PCDHA13: variants seen among roughly 807,000 people sequenced by gnomAD.
PCDHA13 encodes protocadherin alpha 13, also known as protocadherin alpha-13.
Under a neutral mutation model 64.8 loss-of-function variants are expected in PCDHA13, and 54 were observed. The ratio of observed to expected loss-of-function variants is 0.83; its 90% CI spans 0.67 to 1.04. PCDHA13 has a LOEUF of 1.04. PCDHA13 is among the 50% of genes least tolerant of loss of function. The pLI is 0.00. For missense variants in PCDHA13, 1,248 were observed against 1,254.3 expected, an observed-to-expected ratio of 0.99 and a Z score of 0.08; for synonymous variants, 587 against 564.4, an observed-to-expected ratio of 1.04 and a Z score of -0.57.
intron 1 of PCDHA13, among the ~76,000 whole-genome samples, chr5:140,908,825 G>A (rs1554193511): frequency 1.3e-5 from 2 of 152,252 alleles, no homozygotes; most frequent in South Asian, 2.1e-4. Flanking sequence ...TGGGTTACTC[G>A]ATAAATGGGC....
chr5:140,993,519 GAGAC>G (rs1554253814), intron 3 of PCDHA13, among the ~76,000 whole-genome samples: 1 of 151,288 alleles, frequency 6.6e-6, no homozygotes, highest in Non-Finnish European at 1.5e-5. Context: ...CGGGGAGAGA[GAGAC>G]AGAGAGAGAG....
chr5:140,923,256 TAGTG>T (rs2153568044), intron 1 of PCDHA13, among the ~76,000 whole-genome samples: 1 of 152,302 alleles, frequency 6.6e-6, no homozygotes, highest in African/African-American at 2.4e-5. Context: ...CTGGGCAACA[TAGTG>T]AGACCTTGTC....
chr5:140,973,631 A>G (rs1554235456), intron 1 of PCDHA13, among the ~76,000 whole-genome samples: 1 of 152,210 alleles, frequency 6.6e-6, no homozygotes, highest in African/African-American at 2.4e-5. Flanking sequence ...TGTATCTTGT[A>G]CACATTCTGA....
In PCDHA13 at chr5:140,903,474, C is replaced by T. The variant is rs1257250947; in HGVS notation, c.2394+18812C>T. Among the ~76,000 whole-genome samples, 4 of 152,106 alleles carry T rather than the reference C, an allele frequency of 2.6e-5. No homozygotes were observed. In the East Asian group the frequency reaches 7.7e-4, roughly 29 times the overall value. The stretch of plus-strand genomic sequence containing the variant: ...ATCAAACTTAAAATATTATTCCTTG[C>T]ATTATAGTTCTGAGCAGGTACCATA... On this transcript the variant is annotated intron_variant, in intron 1 of 3. Transcript: ENST00000289272.
At chr5:140,930,175 G>A (rs1554207630) in intron 1 of PCDHA13, 2 of 152,134 alleles carry the variant, frequency 1.3e-5, no homozygotes, top group African/African-American at 4.8e-5. Context: ...TTACAAAGAG[G>A]AAAGATGAGT....
intron 1 of PCDHA13, among the ~76,000 whole-genome samples, chr5:140,959,259 C>T (rs781794121): frequency 4.6e-5 from 7 of 152,040 alleles, no homozygotes; most frequent in African/African-American, 7.2e-5. Flanking sequence ...TGACTGTAGT[C>T]CCAGCTACCC....
chr5:141,002,246 C>G (rs1217451636), intron 3 of PCDHA13, among the ~76,000 whole-genome samples: 1 of 152,190 alleles, frequency 6.6e-6, no homozygotes, highest in Non-Finnish European at 1.5e-5. Flanking sequence ...CTTTATTAAC[C>G]TCAGCACTGA....
chr5:140,884,057 G>C lies in PCDHA13; in HGVS notation c.1789G>C (p.Val597Leu), dbSNP rs141156800. The change falls in exon 1 of 4, where the codon GTG becomes CTG. Residue 597 changes from valine (V) to leucine (L), a missense_variant. Physicochemically the swap from Val to Leu is conservative, Grantham distance 32. Transcript: ENST00000289272. ...AGHVVAKVRAVDADSGYNAWL... is the reference protein window; with the variant it reads ...AGHVVAKVRALDADSGYNAWL... ...CCACGTGGTGGCGAAGGTGCGCGCG[G>C]TGGACGCCGATTCGGGCTACAATGC... 6.2e-6 allele frequency: 10 copies of C among 1,613,422 alleles called. No homozygotes were observed. In the African/African-American group the frequency reaches 1.3e-4, roughly 22 times the overall value.
intron 3 of PCDHA13, among the ~76,000 whole-genome samples, chr5:140,998,021 C>T (rs2097794085): frequency 6.6e-6 from 1 of 152,152 alleles, no homozygotes; most frequent in Non-Finnish European, 1.5e-5. Context: ...CCACCTCGAG[C>T]TAGTGCTATA....
At chr5:140,936,080 A>C (rs1252008478) in intron 1 of PCDHA13, among the ~76,000 whole-genome samples, 2 of 152,004 alleles carry the variant, frequency 1.3e-5, no homozygotes, top group African/African-American at 4.8e-5. Flanking sequence ...TTTAGTAGAG[A>C]CAGGGTTTCA....
intron 1 of PCDHA13, among the ~76,000 whole-genome samples, chr5:140,953,432 C>T (rs1292809968): frequency 6.6e-6 from 1 of 152,108 alleles, no homozygotes; most frequent in Non-Finnish European, 1.5e-5. Context: ...TGTCCTTAAG[C>T]TGGAGAAACT....
chr5:140,953,093 A>T (rs2153698233), intron 1 of PCDHA13, among the ~76,000 whole-genome samples: 1 of 152,346 alleles, frequency 6.6e-6, no homozygotes, highest in East Asian at 1.9e-4. Flanking sequence ...TTACAATTTG[A>T]CATGAGATTT....
At chr5:140,947,083 A>G (rs1268359945) in intron 1 of PCDHA13, among the ~76,000 whole-genome samples, 2 of 151,728 alleles carry the variant, frequency 1.3e-5, no homozygotes, top group Non-Finnish European at 3.0e-5. Context: ...TTGAAACATC[A>G]GACTGTAGCC....
At chr5:140,898,894 G>A (rs1200031286) in intron 1 of PCDHA13, among the ~76,000 whole-genome samples, 5 of 152,102 alleles carry the variant, frequency 3.3e-5, no homozygotes, top group African/African-American at 9.7e-5. Context: ...TCTCCTTGAA[G>A]AGGTCCTTCA....
intron 1 of PCDHA13, chr5:140,927,159 C>G (rs782468229): frequency 6.2e-7 from 1 of 1,614,046 alleles, no homozygotes; most frequent in Non-Finnish European, 8.5e-7. Context: ...TGTGCAGGGC[C>G]AAAGCTGCCT....
At chr5:140,941,215 C>CTTTCTTTCTTTCTTTG (rs2092887387) in intron 1 of PCDHA13, among the ~76,000 whole-genome samples, 2 of 104,510 alleles carry the variant, frequency 1.9e-5, no homozygotes, top group Non-Finnish European at 4.1e-5. Context: ...TTCTTTCTTC[C>CTTTCTTTCTTTCTTTG]TTTCTTTCTT....
chr5:140,977,084 A>C lies in PCDHA13; in HGVS notation c.2395-1865A>C, dbSNP rs545652987. On this transcript the variant is annotated intron_variant, in intron 1 of 3. Coordinates refer to ENST00000289272, the MANE Select transcript of PCDHA13 (RefSeq NM_018904.3). ...TAGAAAATAGCAGCATGACAAATTA[A>C]ATGTGTCATTGGGGAAGTGAGATTG... is the stretch of plus-strand genomic sequence containing the variant. 2.0e-5 allele frequency among the ~76,000 whole-genome samples: 3 copies of C among 152,336 alleles called. No individual in the cohort carries two copies. The East Asian group carries it at 5.8e-4, about 29-fold the overall frequency.
chr5:140,882,853 A>G lies in PCDHA13; in HGVS notation c.585A>G (p.Val195=), dbSNP rs782160647. Residue 195 remains valine, a synonymous_variant, in exon 1 of 4, where the codon GTA becomes GTG. Transcript: ENST00000289272. ...AGCAAATGTCTTCATTATCACTTGTACTGAGGAAAACACTGGACAGAGAGG... is the reference window on the plus strand; with the variant it reads ...AGCAAATGTCTTCATTATCACTTGTGCTGAGGAAAACACTGGACAGAGAGG... ...SLEQMSSLSL[V]LRKTLDREEI... 1.9e-6 allele frequency: 3 copies of G among 1,614,218 alleles called. No individual in the cohort carries two copies. The Admixed American group carries it at 5.0e-5, about 27-fold the overall frequency.
chr5:140,968,989 C>T, intron 1 of PCDHA13: 1 of 1,614,234 alleles, frequency 6.2e-7, no homozygotes, highest in Non-Finnish European at 8.5e-7. Flanking sequence ...GCACTGCATG[C>T]TGTGGAGGCT....
Sources: gnomAD v4.1 joint callset for allele counts (sites outside exome capture counted in the v4.1 genomes callset) on GRCh38, gnomAD v4.1.1 for gene constraint, MANE v1.5 for transcripts, NCBI Gene and HGNC (gene_info 2026-07-23, HGNC 2026-07-21) for gene names.